Variants in MSI2 observed in about 807,000 individuals in gnomAD.
The protein encoded by MSI2 is musashi RNA binding protein 2.
A neutral mutation model predicts 45.6 loss-of-function variants in MSI2; 17 were observed. The ratio of observed to expected loss-of-function variants is 0.37; its 90% CI spans 0.26 to 0.56. MSI2 has a LOEUF of 0.56. Among genes scored for constraint, MSI2 ranks in the 20% least tolerant of loss-of-function variants. The pLI is 0.77. For synonymous variants in MSI2, 156 were observed against 158.2 expected (o/e 0.99, Z 0.11); for missense variants, 293 against 444.2 (o/e 0.66, Z 3.06).
intron 12 of MSI2, among the ~76,000 whole-genome samples, chr17:57,676,733 CCCA>C (rs1408884951): frequency 6.6e-6 from 1 of 152,200 alleles, no homozygotes; most frequent in East Asian, 1.9e-4. Context: ...CCACCATCCA[CCCA>C]CGCCTCTGAA....
chr17:57,257,571 T>C (rs1362277698), intron 3 of MSI2, 24 bp downstream of exon 3: 3 of 1,509,190 alleles, frequency 2.0e-6, no homozygotes, highest in Non-Finnish European at 2.8e-6. Flanking sequence ...TTCTGGATTT[T>C]GTCTTTATTT....
chr17:57,682,691 G>C lies in MSI2; in HGVS notation c.*3174G>C, dbSNP rs1309753314. 1 of 216,910 alleles carries C rather than the reference G, an allele frequency of 4.6e-6. No individual in the cohort carries two copies. Among genetic ancestry groups the C allele is most frequent in the Admixed American group, 5.8e-5 (1 of 17,156 alleles). 13.4% of individuals were successfully genotyped at this position (216,910 alleles called of 1,614,324 possible). ...ACACTGATGTTTCAGCCTCGTCTTT[G>C]TTTCAGTTAAGCTCAATGGCGAACA... On this transcript the variant is annotated 3_prime_UTR_variant, in exon 14 of 14. Coordinates refer to ENST00000284073, the MANE Select transcript of MSI2 (RefSeq NM_138962.4).
chr17:57,616,162 C>T (rs747081720), intron 9 of MSI2, 78 bp downstream of exon 9: 1 of 1,050,790 alleles, frequency 9.5e-7, no homozygotes, highest in Non-Finnish European at 1.4e-6. Flanking sequence ...GGTCACCTAC[C>T]AGTGGGGCAA....
chr17:57,285,401 T>TGGCTGGG (rs1369363341), intron 5 of MSI2, among the ~76,000 whole-genome samples: 3 of 152,018 alleles, frequency 2.0e-5, no homozygotes, highest in Non-Finnish European at 4.4e-5. Context: ...AGAGGGCCCT[T>TGGCTGGG]GGCTGGGGGC....
intron 5 of MSI2, among the ~76,000 whole-genome samples, chr17:57,308,002 C>G (rs1023030460): frequency 3.9e-5 from 6 of 152,198 alleles, no homozygotes; most frequent in Admixed American, 3.3e-4. Flanking sequence ...GATGCTCAGT[C>G]AATGCATGAA....
Position 57,627,863 on chromosome 17 carries a change from C to T in MSI2, c.727+560C>T, listed in dbSNP as rs7209430. On this transcript the variant is annotated intron_variant, in intron 10 of 13. Coordinates refer to ENST00000284073, the MANE Select transcript of MSI2 (RefSeq NM_138962.4). The surrounding 1 kb of genome is among the most constrained non-coding windows in gnomAD (Gnocchi z 4.6). ...GTGAGCTGTTTAGATTATCCTTTCC[C>T]TCTGCGTGGGTATCAAGACTTGAGG... 19,681 of 154,746 alleles carry T rather than the reference C, an allele frequency of 0.13. 1,758 individuals carry two copies. Among genetic ancestry groups the T allele is most frequent in the East Asian group, 0.4 (2,065 of 5,174 alleles). 9.6% of individuals were successfully genotyped at this position (154,746 alleles called of 1,614,324 possible).
intron 6 of MSI2, chr17:57,449,504 T>C (rs975821257): frequency 5.9e-5 from 9 of 152,228 alleles, no homozygotes; most frequent in African/African-American, 1.4e-4. Flanking sequence ...TATTGGTCCC[T>C]CTCTGGGTAT....
intron 9 of MSI2, among the ~76,000 whole-genome samples, chr17:57,622,496 A>G (rs1228074513): frequency 6.6e-6 from 1 of 152,228 alleles, no homozygotes; most frequent in African/African-American, 2.4e-5. Context: ...TGAGCCCTCA[A>G]AGAAAAGCTT....
At chr17:57,473,763 G>A (rs2541053) in intron 6 of MSI2, among the ~76,000 whole-genome samples, 116,727 of 152,094 alleles carry the variant, frequency 0.77, 45,347 homozygotes, top group East Asian at 0.91. Context: ...GACAGGTGCC[G>A]AGGGATGGTG....
intron 6 of MSI2, among the ~76,000 whole-genome samples, chr17:57,466,321 C>G (rs1255080151): frequency 6.6e-6 from 1 of 152,200 alleles, no homozygotes; most frequent in Admixed American, 6.5e-5. Context: ...GGTAACCTGG[C>G]CTCTCCCAGG....
intron 8 of MSI2, among the ~76,000 whole-genome samples, chr17:57,602,463 G>A (rs992033379): frequency 2.0e-5 from 3 of 152,056 alleles, no homozygotes; most frequent in African/African-American, 7.2e-5. Context: ...AGTGATTCTC[G>A]TGCCTCGGCC....
At chr17:57,288,442 G>T (rs1204831120) in intron 5 of MSI2, among the ~76,000 whole-genome samples, 1 of 152,172 alleles carries the variant, frequency 6.6e-6, no homozygotes, top group Non-Finnish European at 1.5e-5. Context: ...TTTCTCTACA[G>T]AATCTTCCCC....
At chr17:57,307,114 C>T (rs1162512054) in intron 5 of MSI2, among the ~76,000 whole-genome samples, 1 of 152,182 alleles carries the variant, frequency 6.6e-6, no homozygotes, top group East Asian at 1.9e-4. Flanking sequence ...GGAGTTTTTC[C>T]TCTATTTCCT....
downstream of MSI2, among the ~76,000 whole-genome samples, chr17:57,688,473 A>G (rs1913924239): frequency 6.6e-6 from 1 of 152,166 alleles, no homozygotes. Flanking sequence ...CCCCATCACT[A>G]GGGAAATTAT....
At chr17:57,266,401 G>T (rs1484222388) in intron 5 of MSI2, 4 of 151,978 alleles carry the variant, frequency 2.6e-5, no homozygotes, top group African/African-American at 9.7e-5. Context: ...TCACTCTGTC[G>T]CCCAGGCTGG....
intron 6 of MSI2, chr17:57,450,254 T>TGAAAGAAA (rs2084973444): frequency 4.1e-5 from 4 of 98,752 alleles, no homozygotes; most frequent in African/African-American, 2.2e-4. Context: ...ATTCCCCAGC[T>TGAAAGAAA]TAAAGAAAGA....
chr17:57,465,897 A>G (rs1409433761), intron 6 of MSI2, among the ~76,000 whole-genome samples: 1 of 152,222 alleles, frequency 6.6e-6, no homozygotes, highest in Non-Finnish European at 1.5e-5. Flanking sequence ...GCCCCGTAGA[A>G]GGGTTTCCAA....
At chr17:57,297,795 A>G (rs949573853) in intron 5 of MSI2, among the ~76,000 whole-genome samples, 3 of 152,194 alleles carry the variant, frequency 2.0e-5, no homozygotes, top group African/African-American at 7.2e-5. Context: ...AACAACGTGC[A>G]CATCTTCACC....
intron 6 of MSI2, among the ~76,000 whole-genome samples, chr17:57,500,485 G>A (rs188982486): frequency 1.5e-3 from 225 of 151,648 alleles, no homozygotes; most frequent in Middle Eastern, 3.4e-3. Context: ...AAGAGGAGGA[G>A]CGAGCTCTGG....
Sources: allele counts gnomAD v4.1 joint callset (sites outside exome capture counted in the v4.1 genomes callset), GRCh38; gene constraint gnomAD v4.1.1; non-coding constraint Gnocchi (gnomAD v3.1); transcripts MANE v1.5; gene names NCBI Gene and HGNC (gene_info 2026-07-23, HGNC 2026-07-21).